Variants in RALGPS2 observed in about 807,000 individuals in gnomAD.
RALGPS2 encodes the protein ras-specific guanine nucleotide-releasing factor RalGPS2.
In RALGPS2, 43 loss-of-function variants were observed where a neutral mutation model predicts 86.8. The observed-to-expected ratio is 0.50, with a 90% CI of 0.39 to 0.64. RALGPS2 has a LOEUF of 0.64. Ranked by LOEUF, RALGPS2 falls within the 30% of genes least tolerant of loss-of-function variation. The pLI is 0.00. For missense variants in RALGPS2, 536 were observed against 694.6 expected, an observed-to-expected ratio of 0.77 and a Z score of 2.57; for synonymous variants, 243 against 231.3, an observed-to-expected ratio of 1.05 and a Z score of -0.46.
At chr1:178,760,855 T>C (rs1374379235) in intron 1 of RALGPS2, among the ~76,000 whole-genome samples, 1 of 152,242 alleles carries the variant, frequency 6.6e-6, no homozygotes, top group African/African-American at 2.4e-5. Flanking sequence ...AGGGAAATTT[T>C]CTTGAATTAT....
chr1:178,853,535 T>C (rs1657322877), intron 8 of RALGPS2: 2 of 1,315,396 alleles, frequency 1.5e-6, no homozygotes, highest in Non-Finnish European at 2.0e-6. Context: ...ATCTTGTTTC[T>C]TGCATTATTG....
At chr1:178,759,209 C>T (rs1026916959) in intron 1 of RALGPS2, among the ~76,000 whole-genome samples, 3 of 151,994 alleles carry the variant, frequency 2.0e-5, no homozygotes, top group African/African-American at 4.8e-5. Flanking sequence ...TTCAGGTCTT[C>T]GATTTAAGTC....
At chr1:178,818,756 G>A (rs971047221) in intron 6 of RALGPS2, among the ~76,000 whole-genome samples, 8 of 152,156 alleles carry the variant, frequency 5.3e-5, no homozygotes, top group South Asian at 2.1e-4. Context: ...GAGATTCAGC[G>A]TATGCCCTCA....
intron 13 of RALGPS2, 85 bp downstream of exon 13, chr1:178,886,205 C>T (rs1659475166): frequency 1.4e-6 from 2 of 1,383,230 alleles, no homozygotes; most frequent in Non-Finnish European, 9.9e-7. Context: ...ACCCCACCCA[C>T]ACACAGAGAA....
intron 7 of RALGPS2, 76 bp downstream of exon 7, chr1:178,821,780 T>G: frequency 8.8e-7 from 1 of 1,139,086 alleles, no homozygotes; most frequent in Non-Finnish European, 1.3e-6. Context: ...CCTTTGTAAT[T>G]CTTATTAAAG....
chr1:178,797,858 C>T (rs1213960965), intron 4 of RALGPS2, among the ~76,000 whole-genome samples: 1 of 152,056 alleles, frequency 6.6e-6, no homozygotes, highest in Non-Finnish European at 1.5e-5. Flanking sequence ...TCCTACTCCT[C>T]ACCAGCCTTA....
chr1:178,753,981 G>A (rs4652320), intron 1 of RALGPS2, among the ~76,000 whole-genome samples: 37,488 of 151,664 alleles, frequency 0.25, 5,191 homozygotes, highest in Non-Finnish European at 0.32. Flanking sequence ...ACAGGCGCCC[G>A]CCACCACGCC....
At chr1:178,902,278 G>GTA in intron 18 of RALGPS2, 67 bp downstream of exon 18, 2 of 1,225,478 alleles carry the variant, frequency 1.6e-6, no homozygotes, top group Non-Finnish European at 2.4e-6. Flanking sequence ...ATGTATGTAT[G>GTA]TGTGTGTGTA....
At chr1:178,910,624 G>T (rs2102418437) in intron 19 of RALGPS2, among the ~76,000 whole-genome samples, 1 of 152,268 alleles carries the variant, frequency 6.6e-6, no homozygotes, top group South Asian at 2.1e-4. Context: ...ACTTGATTGT[G>T]GTGAATTAAC....
chr1:178,902,269 T>C, intron 18 of RALGPS2, 58 bp downstream of exon 18: 1 of 1,310,488 alleles, frequency 7.6e-7, no homozygotes. Context: ...TGTATATGTA[T>C]GTATGTATGT....
At chr1:178,799,103 G>A (rs1431794683) in intron 4 of RALGPS2, among the ~76,000 whole-genome samples, 2 of 152,064 alleles carry the variant, frequency 1.3e-5, no homozygotes, top group South Asian at 2.1e-4. Context: ...GCAGTGGCGC[G>A]ATCTCCGCTC....
chr1:178,795,669 C>T (rs1045232285), intron 4 of RALGPS2, among the ~76,000 whole-genome samples: 2 of 152,158 alleles, frequency 1.3e-5, no homozygotes, highest in African/African-American at 4.8e-5. Flanking sequence ...CCACCTCAGC[C>T]TCCCAAAGTG....
At chr1:178,859,417 T>C (rs1657807914) in intron 8 of RALGPS2, among the ~76,000 whole-genome samples, 1 of 148,616 alleles carries the variant, frequency 6.7e-6, no homozygotes, top group East Asian at 1.9e-4. Context: ...TTTTTTTTTT[T>C]TTTTTGAGAC....
Position 178,875,374 on chromosome 1 carries a change from A to G in RALGPS2, c.608-2124A>G, listed in dbSNP as rs149201084. Among the ~76,000 whole-genome samples, 387 of 152,352 alleles carry G rather than the reference A, an allele frequency of 2.5e-3. 5 individuals carry two copies. Among genetic ancestry groups the G allele is most frequent in the African/African-American group, 8.9e-3 (370 of 41,576 alleles). ...CCAAGGTGTTTGTTGAAGGGAGGAC[A>G]AGGATGTTATCTTGAGGCGTGGGAT... On this transcript the variant is annotated intron_variant, in intron 8 of 19. Transcript: ENST00000367635.
chr1:178,747,772 G>T lies in RALGPS2; in HGVS notation c.-84+22353G>T, dbSNP rs1188936929. On this transcript the variant is annotated intron_variant, in intron 1 of 19. Coordinates refer to ENST00000367635, the MANE Select transcript of RALGPS2 (RefSeq NM_152663.5). ...GTGGGCATGGCAGCAGGAGCGAGCT[G>T]GTGCGAGCAGAGCCTGTGCCAGCGG... 9.3e-6 allele frequency: 8 copies of T among 856,478 alleles called. No homozygotes were observed. The Admixed American group carries it at 1.5e-4, about 17-fold the overall frequency. The allele number at this position is 856,478 out of a possible 1,614,324, so 53.1% of individuals were successfully genotyped here.
chr1:178,739,165 G>A (rs567276117), intron 1 of RALGPS2, among the ~76,000 whole-genome samples: 1 of 152,122 alleles, frequency 6.6e-6, no homozygotes. Flanking sequence ...CTTAAAGCTA[G>A]AGGGACAGGA....
At position 178,921,730 on chromosome 1, in the gene RALGPS2, A is replaced by C. The variant is rs1647331344; in HGVS notation, c.*5371A>C. On this transcript the variant is annotated 3_prime_UTR_variant, in exon 20 of 20. Coordinates refer to ENST00000367635, the MANE Select transcript of RALGPS2 (RefSeq NM_152663.5). ...CCTCTCTCACTTTTTGTTTCTTTTT[A>C]ATATGCAAATGTGAGTGTGCGATCT... 1 of 152,042 alleles carries C rather than the reference A, an allele frequency of 6.6e-6. No homozygotes were observed. The highest frequency in any genetic ancestry group is 1.5e-5 in the Non-Finnish European group (1 of 67,950). 9.4% of individuals were successfully genotyped at this position (152,042 alleles called of 1,614,324 possible).
intron 6 of RALGPS2, 137 bp from the exon 7 acceptor site, chr1:178,821,475 A>G (rs2102225054): frequency 1.1e-5 from 7 of 640,884 alleles, no homozygotes; most frequent in Middle Eastern, 2.8e-4. Context: ...AGGGTACTCT[A>G]AAGACAGTTC....
chr1:178,850,547 G>A (rs188567337), intron 8 of RALGPS2: 4 of 151,652 alleles, frequency 2.6e-5, no homozygotes, highest in Non-Finnish European at 5.9e-5. Flanking sequence ...TAATACTATG[G>A]GTCATGTTTT....
Sources: gnomAD v4.1 joint callset for allele counts (sites outside exome capture counted in the v4.1 genomes callset) on GRCh38, gnomAD v4.1.1 for gene constraint, MANE v1.5 for transcripts, NCBI Gene and HGNC (gene_info 2026-07-23, HGNC 2026-07-21) for gene names.